FRMD6: variants seen among roughly 807,000 people sequenced by gnomAD.
FRMD6 encodes FERM domain-containing protein 6.
In FRMD6, 37 loss-of-function variants were observed where a neutral mutation model predicts 73.2. That is an observed-to-expected ratio of 0.51 (90% CI 0.39 to 0.66). FRMD6 has a LOEUF of 0.66. Ranked by LOEUF, FRMD6 falls within the 30% of genes least tolerant of loss-of-function variation. FRMD6 has a pLI of 0.00. For synonymous variants in FRMD6, 273 were observed against 282.2 expected (o/e 0.97, Z 0.33); for missense variants, 714 against 780.5 (o/e 0.91, Z 1.02).
At chr14:51,523,077 C>T (rs1416244330) in intron 1 of FRMD6, 2 of 152,022 alleles carry the variant, frequency 1.3e-5, no homozygotes, top group East Asian at 1.9e-4. Flanking sequence ...ATTTTTTAAC[C>T]TCTCTGTAGT....
At chr14:51,496,163 C>T (rs61969792) in intron 1 of FRMD6, among the ~76,000 whole-genome samples, 6,092 of 152,256 alleles carry the variant, frequency 0.04, 173 homozygotes, top group East Asian at 0.076. Context: ...GAGAGGCCCA[C>T]GTCATGAAGA....
the FRMD6 span, among the ~76,000 whole-genome samples, chr14:51,477,317 A>G: frequency 5.9e-5 from 9 of 152,220 alleles, no homozygotes; most frequent in Non-Finnish European, 1.3e-4. Flanking sequence ...TATCTCAAGA[A>G]TTCCATGTTC....
upstream of FRMD6, among the ~76,000 whole-genome samples, chr14:51,484,250 A>G (rs983285750): frequency 2.6e-5 from 4 of 152,202 alleles, no homozygotes; most frequent in Non-Finnish European, 5.9e-5. Context: ...TGCTGATCTG[A>G]CCTGCCAGGG....
In FRMD6 at chr14:51,709,564, A is replaced by G. The variant is rs114212196; in HGVS notation, c.714+1331A>G. Among the ~76,000 whole-genome samples, 535 of 152,232 alleles carry G rather than the reference A, an allele frequency of 3.5e-3. 3 individuals are homozygous for G. Among genetic ancestry groups the G allele is most frequent in the African/African-American group, 0.012 (518 of 41,556 alleles). ...TAAGGGACCAACTGATGTTTTTTCT[A>G]TCTCTCTTCTATGCCCAAGAGATGC... On this transcript the variant is annotated intron_variant, in intron 7 of 13. Transcript: ENST00000344768.
chr14:51,509,060 A>G (rs892302747), intron 1 of FRMD6, among the ~76,000 whole-genome samples: 1 of 152,246 alleles, frequency 6.6e-6, no homozygotes, highest in Non-Finnish European at 1.5e-5. Flanking sequence ...ATGCCTTAAC[A>G]TCACTGCTCA....
chr14:51,622,574 TAG>T (rs1336297712), intron 2 of FRMD6, among the ~76,000 whole-genome samples: 1 of 152,162 alleles, frequency 6.6e-6, no homozygotes, highest in Non-Finnish European at 1.5e-5. Flanking sequence ...TACCAACTGG[TAG>T]AGTTATTTCC....
At chr14:51,430,914 C>T in the FRMD6 span, among the ~76,000 whole-genome samples, 64 of 152,232 alleles carry the variant, frequency 4.2e-4, no homozygotes, top group Admixed American at 7.2e-4. Context: ...AAATGGGAAC[C>T]GCTAAAGACA....
At chr14:51,413,865 A>T in the FRMD6 span, among the ~76,000 whole-genome samples, 293 of 152,264 alleles carry the variant, frequency 1.9e-3, 2 homozygotes, top group African/African-American at 6.8e-3. Flanking sequence ...CTGGTGTGAG[A>T]TGGTATCTCA....
intron 2 of FRMD6, among the ~76,000 whole-genome samples, chr14:51,605,257 T>TCC (rs35072382): frequency 2.0e-5 from 3 of 148,864 alleles, no homozygotes; most frequent in East Asian, 4.0e-4. Flanking sequence ...AACAAAGGTC[T>TCC]GGTTTTCCTA....
At chr14:51,621,410 G>A (rs1485207124) in intron 2 of FRMD6, among the ~76,000 whole-genome samples, 1 of 152,188 alleles carries the variant, frequency 6.6e-6, no homozygotes, top group Non-Finnish European at 1.5e-5. Context: ...CCAAGGGCAA[G>A]TTATTGCCCA....
At chr14:51,404,185 C>A in the FRMD6 span, among the ~76,000 whole-genome samples, 1 of 152,002 alleles carries the variant, frequency 6.6e-6, no homozygotes, top group Admixed American at 6.5e-5. Context: ...TAAAATTGAT[C>A]TTTTTACATT....
intron 1 of FRMD6, among the ~76,000 whole-genome samples, chr14:51,505,505 A>C (rs1883907753): frequency 6.6e-6 from 1 of 152,104 alleles, no homozygotes. Context: ...TCATGCTTGG[A>C]TGGAGGGGTG....
the FRMD6 span, among the ~76,000 whole-genome samples, chr14:51,401,850 G>A: frequency 2.0e-5 from 3 of 152,318 alleles, no homozygotes; most frequent in East Asian, 3.9e-4. Flanking sequence ...AAGAGTGTCT[G>A]TCAGGGGAGA....
intron 11 of FRMD6, among the ~76,000 whole-genome samples, chr14:51,720,948 T>G (rs1342166507): frequency 6.6e-6 from 1 of 152,244 alleles, no homozygotes; most frequent in Non-Finnish European, 1.5e-5. Context: ...TTAGCCAAAC[T>G]TAACATTTGT....
chr14:51,476,573 G>GT, the FRMD6 span, among the ~76,000 whole-genome samples: 1 of 152,160 alleles, frequency 6.6e-6, no homozygotes, highest in African/African-American at 2.4e-5. Context: ...TGAACATAGT[G>GT]TTCTCTTTTC....
intron 2 of FRMD6, among the ~76,000 whole-genome samples, chr14:51,618,006 C>T (rs767872484): frequency 6.6e-6 from 1 of 152,120 alleles, no homozygotes; most frequent in African/African-American, 2.4e-5. Context: ...TATGTGATAT[C>T]TGCCCTCATG....
chr14:51,678,583 C>A (rs563316749), intron 1 of FRMD6, among the ~76,000 whole-genome samples: 1 of 152,190 alleles, frequency 6.6e-6, no homozygotes, highest in South Asian at 2.1e-4. Flanking sequence ...GCTAGGGATT[C>A]ATTCACATTT....
intron 2 of FRMD6, among the ~76,000 whole-genome samples, chr14:51,615,579 G>A (rs1890677702): frequency 6.6e-6 from 1 of 152,154 alleles, no homozygotes; most frequent in South Asian, 2.1e-4. Flanking sequence ...TTCTGCCCAA[G>A]AAGCTAGGTG....
At chr14:51,439,344 C>T in the FRMD6 span, among the ~76,000 whole-genome samples, 1 of 152,182 alleles carries the variant, frequency 6.6e-6, no homozygotes, top group African/African-American at 2.4e-5. Context: ...GAGATTGGCT[C>T]ATTTTTCCTC....
Sources: gnomAD v4.1 joint callset for allele counts (sites outside exome capture counted in the v4.1 genomes callset) on GRCh38, gnomAD v4.1.1 for gene constraint, MANE v1.5 for transcripts, NCBI Gene and HGNC (gene_info 2026-07-23, HGNC 2026-07-21) for gene names.